The following KIAA1217 variants were observed in gnomAD, a reference collection of about 807,000 sequenced individuals.
The protein encoded by KIAA1217 is KIAA1217, also known as sickle tail protein homolog.
A neutral mutation model predicts 163.9 loss-of-function variants in KIAA1217; 88 were observed. That is an observed-to-expected ratio of 0.54 (90% CI 0.45 to 0.64). KIAA1217 has a LOEUF of 0.64. Among genes scored for constraint, KIAA1217 ranks in the 30% least tolerant of loss-of-function variants. The probability of loss-of-function intolerance (pLI) is 0.00; values close to 1 mark genes in which losing one functional copy is unlikely to be tolerated. For synonymous variants in KIAA1217, 903 were observed against 923.1 expected (o/e 0.98, Z 0.39); for missense variants, 2,372 against 2,475.0 (o/e 0.96, Z 0.88).
chr10:23,768,431 T>G (rs1834639539), intron 1 of KIAA1217, among the ~76,000 whole-genome samples: 1 of 152,230 alleles, frequency 6.6e-6, no homozygotes. Context: ...GCTTTGCTCA[T>G]TATTGTGCCC....
chr10:23,765,861 CA>C (rs1834494550), intron 1 of KIAA1217, among the ~76,000 whole-genome samples: 2 of 152,140 alleles, frequency 1.3e-5, no homozygotes, highest in Admixed American at 6.5e-5. Context: ...TTCTTTATAG[CA>C]GTGTGAAAGT....
At chr10:23,915,376 T>C (rs1842595147) in intron 1 of KIAA1217, among the ~76,000 whole-genome samples, 1 of 152,132 alleles carries the variant, frequency 6.6e-6, no homozygotes, top group Non-Finnish European at 1.5e-5. Flanking sequence ...AAGTCGTGGA[T>C]GTTTCATACA....
At chr10:24,116,783 G>A (rs1037374306) in intron 2 of KIAA1217, among the ~76,000 whole-genome samples, 1 of 151,948 alleles carries the variant, frequency 6.6e-6, no homozygotes, top group Admixed American at 6.5e-5. Context: ...ATTTTCCTGT[G>A]CTTATGGAAA....
chr10:24,407,664 C>T lies in KIAA1217; in HGVS notation c.554-25331C>T, dbSNP rs558282418. On this transcript the variant is annotated intron_variant, in intron 3 of 20. Transcript: ENST00000376454. The stretch of plus-strand genomic sequence containing the variant: ...GGCAAAGTATCAGAAAGAAGAAACT[C>T]ATCAAAACGAAGGCAGACATGGCCA... Among the ~76,000 whole-genome samples, 22 of 152,204 alleles carry T rather than the reference C, an allele frequency of 1.4e-4. 1 individual carries two copies. The East Asian group carries it at 4.3e-3, about 30-fold the overall frequency.
intron 1 of KIAA1217, among the ~76,000 whole-genome samples, chr10:23,712,084 C>T (rs1837293662): frequency 6.6e-6 from 1 of 152,040 alleles, no homozygotes; most frequent in African/African-American, 2.4e-5. Flanking sequence ...TCTAGTGACC[C>T]CACAGGCAAG....
intron 1 of KIAA1217, among the ~76,000 whole-genome samples, chr10:23,723,857 C>A (rs11013662): frequency 0.32 from 49,237 of 151,886 alleles, 9,961 homozygotes; most frequent in African/African-American, 0.57. Context: ...AAAATATCTG[C>A]GACTGGTAAT....
intron 1 of KIAA1217, among the ~76,000 whole-genome samples, chr10:23,756,717 T>A (rs1414537619): frequency 6.6e-6 from 1 of 152,238 alleles, no homozygotes; most frequent in Non-Finnish European, 1.5e-5. Flanking sequence ...TATTAGTATT[T>A]AATTTTTTCA....
At chr10:24,324,518 G>A (rs1489366252) in intron 2 of KIAA1217, among the ~76,000 whole-genome samples, 1 of 152,198 alleles carries the variant, frequency 6.6e-6, no homozygotes, top group Non-Finnish European at 1.5e-5. Context: ...AGTGAGCCAA[G>A]ATCCTGTCAC....
chr10:23,806,573 C>T (rs1035288696), intron 1 of KIAA1217, among the ~76,000 whole-genome samples: 7 of 152,152 alleles, frequency 4.6e-5, no homozygotes, highest in Admixed American at 6.5e-5. Context: ...AATTCTCAAA[C>T]ATCTGGGTGG....
intron 1 of KIAA1217, among the ~76,000 whole-genome samples, chr10:23,731,041 G>A (rs1374503323): frequency 6.6e-6 from 1 of 152,166 alleles, no homozygotes. Context: ...GAAAAGGGGT[G>A]ATAAGAGGGA....
At chr10:23,934,573 A>ATGTGTGTGTGTG (rs1564545489) in intron 1 of KIAA1217, among the ~76,000 whole-genome samples, 12 of 75,168 alleles carry the variant, frequency 1.6e-4, no homozygotes, top group African/African-American at 1.6e-4. Flanking sequence ...ATATATATAT[A>ATGTGTGTGTGTG]TATATATATA....
At chr10:24,448,586 C>T (rs1290331457) in intron 5 of KIAA1217, among the ~76,000 whole-genome samples, 1 of 152,156 alleles carries the variant, frequency 6.6e-6, no homozygotes, top group African/African-American at 2.4e-5. Context: ...CACAGTCTCC[C>T]TATGTTGCCC....
At chr10:24,359,656 C>A (rs1217851482) in intron 2 of KIAA1217, among the ~76,000 whole-genome samples, 1 of 152,144 alleles carries the variant, frequency 6.6e-6, no homozygotes, top group African/African-American at 2.4e-5. Context: ...TACTTTCAAC[C>A]ACTATCCTAT....
At chr10:23,767,093 A>G (rs539947441) in intron 1 of KIAA1217, among the ~76,000 whole-genome samples, 1 of 152,296 alleles carries the variant, frequency 6.6e-6, no homozygotes, top group African/African-American at 2.4e-5. Flanking sequence ...TACTAGAAAG[A>G]GTGGTGGGAG....
Position 24,408,829 on chromosome 10 carries a change from C to G in KIAA1217, c.554-24166C>G, listed in dbSNP as rs571644133. Among the ~76,000 whole-genome samples, 26 of 152,248 alleles carry G rather than the reference C, an allele frequency of 1.7e-4. No homozygotes were observed. In the South Asian group the frequency reaches 5.2e-3, roughly 30 times the overall value. ...CCTGTTAAATTTATCTCTAACCTGC[C>G]TTATTTCCCTATAGAGGACTAATAG... On this transcript the variant is annotated intron_variant, in intron 3 of 20. Transcript: ENST00000376454.
At chr10:24,015,908 A>G (rs1317833478) in intron 2 of KIAA1217, among the ~76,000 whole-genome samples, 2 of 145,014 alleles carry the variant, frequency 1.4e-5, no homozygotes, top group East Asian at 4.0e-4. Context: ...TGCGTAGGGT[A>G]AAAAAAAAAA....
intron 1 of KIAA1217, among the ~76,000 whole-genome samples, chr10:23,995,450 C>CTCTGTGTGTGTGTG (rs980015208): frequency 8.8e-5 from 13 of 147,828 alleles, no homozygotes; most frequent in African/African-American, 3.2e-4. Flanking sequence ...CAATTATGGC[C>CTCTGTGTGTGTGTG]TGTGTGTGTG....
rs756694741 is a variant in KIAA1217, at chr10:24,544,168, C to G, written c.4898C>G (p.Thr1633Ser). The G allele has an allele frequency of 6.2e-7, 1 of 1,613,996 alleles. No homozygotes were observed. The highest frequency in any genetic ancestry group is 1.3e-5 in the African/African-American group (1 of 74,882). The change falls in exon 19 of 21, where the codon ACC becomes AGC. Residue 1633 changes from threonine (T) to serine (S), a missense_variant. This residue lies in a region of KIAA1217 where 690 missense variants were observed against 677.5 expected (regional missense o/e 1.02). Coordinates refer to ENST00000376454, the MANE Select transcript of KIAA1217 (RefSeq NM_019590.5). ...FEIARSQPED[T>S]PENTVRRQEQ... ...ATCGCTAGGTCTCAACCTGAAGACA[C>G]CCCTGAAAACACAGTGAGGAGGCAA...
intron 2 of KIAA1217, among the ~76,000 whole-genome samples, chr10:24,350,409 G>A (rs529440127): frequency 6.6e-5 from 10 of 152,236 alleles, no homozygotes; most frequent in Admixed American, 1.3e-4. Flanking sequence ...GCATGACTTC[G>A]ATTGTGTGTT....
Sources: gnomAD v4.1 joint callset for allele counts (sites outside exome capture counted in the v4.1 genomes callset) on GRCh38, gnomAD v4.1.1 for gene constraint, gnomAD v4.1.1 regional missense constraint, MANE v1.5 for transcripts, NCBI Gene and HGNC (gene_info 2026-07-23, HGNC 2026-07-21) for gene names.